Variants in KCNN2 observed in about 807,000 individuals in gnomAD.
KCNN2 encodes potassium calcium-activated channel subfamily N member 2.
Under a neutral mutation model 55.5 loss-of-function variants are expected in KCNN2, and 24 were observed. The ratio of observed to expected loss-of-function variants is 0.43; its 90% CI spans 0.31 to 0.61. The LOEUF (loss-of-function observed/expected upper bound fraction) is 0.61, where lower values mean the gene tolerates loss of function less well. KCNN2 is among the 20% of genes least tolerant of loss of function. The probability of loss-of-function intolerance (pLI) is 0.08; values close to 1 mark genes in which losing one functional copy is unlikely to be tolerated. For missense variants in KCNN2, 754 were observed against 853.6 expected (o/e 0.88, Z 1.45); for synonymous variants, 431 against 336.1 (o/e 1.28, Z -3.09).
intron 3 of KCNN2, among the ~76,000 whole-genome samples, chr5:114,453,000 T>C (rs1043293856): frequency 1.3e-5 from 2 of 152,218 alleles, no homozygotes; most frequent in African/African-American, 4.8e-5. Flanking sequence ...ACTCCTTGCA[T>C]CTCTCTGAGC....
Position 114,189,605 on chromosome 5 carries a change from C to T in KCNN2, c.-270-31875C>T, listed in dbSNP as rs577349042. On this transcript the variant is annotated intron_variant, in intron 1 of 10. Coordinates refer to the KCNN2 transcript ENST00000512097. ...AAAGTAACCATCAGAAAAACTAACTCGTATGTTTTACTTACTATATATCAG... is the reference window on the plus strand; with the variant it reads ...AAAGTAACCATCAGAAAAACTAACTTGTATGTTTTACTTACTATATATCAG... Among the ~76,000 whole-genome samples, 6 of 152,212 alleles carry T rather than the reference C, an allele frequency of 3.9e-5. No homozygotes were observed. In the South Asian group the frequency reaches 6.2e-4, roughly 16 times the overall value.
intron 2 of KCNN2, among the ~76,000 whole-genome samples, chr5:114,395,113 A>G (rs1452153583): frequency 6.6e-6 from 1 of 152,224 alleles, no homozygotes; most frequent in African/African-American, 2.4e-5. Context: ...GTTACCTTGC[A>G]GAGGAAAAGC....
intron 2 of KCNN2, among the ~76,000 whole-genome samples, chr5:114,280,524 G>A (rs1006520564): frequency 2.0e-4 from 30 of 152,126 alleles, no homozygotes; most frequent in Non-Finnish European, 3.4e-4. Context: ...CATATGGCTA[G>A]CCAGTTTTCC....
At chr5:114,197,536 CA>C (rs946586489) in intron 1 of KCNN2, among the ~76,000 whole-genome samples, 6 of 152,170 alleles carry the variant, frequency 3.9e-5, no homozygotes, top group African/African-American at 1.4e-4. Context: ...TTAGTGGGGA[CA>C]GGGGTAATCA....
At chr5:114,265,982 GGGCA>G (rs890941252) in intron 2 of KCNN2, among the ~76,000 whole-genome samples, 1 of 152,014 alleles carries the variant, frequency 6.6e-6, no homozygotes, top group African/African-American at 2.4e-5. Flanking sequence ...TAGAGATAGA[GGGCA>G]GTTTACATAC....
At chr5:114,235,541 A>G (rs1018608034) in intron 2 of KCNN2, among the ~76,000 whole-genome samples, 6 of 152,242 alleles carry the variant, frequency 3.9e-5, no homozygotes, top group Non-Finnish European at 7.3e-5. Context: ...CTATTTGTAT[A>G]GTTTAGAACT....
intron 1 of KCNN2, among the ~76,000 whole-genome samples, chr5:114,171,604 C>T (rs183211221): frequency 9.2e-4 from 140 of 151,726 alleles, no homozygotes; most frequent in Middle Eastern, 3.4e-3. Flanking sequence ...ACTAGTCCCT[C>T]GTTAAGGACT....
At chr5:114,087,959 A>C (rs1375577533) in intron 1 of KCNN2, among the ~76,000 whole-genome samples, 1 of 151,988 alleles carries the variant, frequency 6.6e-6, no homozygotes, top group Non-Finnish European at 1.5e-5. Flanking sequence ...TATAAATCTC[A>C]TGTTTCTTAA....
intron 1 of KCNN2, among the ~76,000 whole-genome samples, chr5:114,089,520 T>A (rs1751092958): frequency 1.3e-5 from 2 of 152,186 alleles, no homozygotes; most frequent in African/African-American, 2.4e-5. Context: ...ATCCTACTCA[T>A]GTGTAGTTGG....
intron 2 of KCNN2, among the ~76,000 whole-genome samples, chr5:114,392,077 C>T (rs998222339): frequency 6.6e-6 from 1 of 152,126 alleles, no homozygotes; most frequent in Non-Finnish European, 1.5e-5. Flanking sequence ...CATATGGCTA[C>T]ACATAACTGC....
chr5:114,423,575 T>C (rs1759532142), intron 3 of KCNN2, among the ~76,000 whole-genome samples: 1 of 152,258 alleles, frequency 6.6e-6, no homozygotes, highest in East Asian at 1.9e-4. Context: ...AAAAGAGATA[T>C]AAAATTTCTT....
intron 1 of KCNN2, among the ~76,000 whole-genome samples, chr5:114,078,869 A>G (rs977349669): frequency 3.9e-5 from 6 of 152,180 alleles, no homozygotes; most frequent in Non-Finnish European, 2.9e-5. Flanking sequence ...CTGCCTGCAG[A>G]GCACCTGCTG....
chr5:114,308,724 G>A (rs938814106), intron 2 of KCNN2, among the ~76,000 whole-genome samples: 26 of 152,136 alleles, frequency 1.7e-4, no homozygotes, highest in African/African-American at 6.0e-4. Flanking sequence ...TAATAGTTGT[G>A]CAACTCACCA....
rs558061889 is a variant in KCNN2, at chr5:114,465,342, G to C, written c.1779+2152G>C. ...AAAAGAGAGGTTATGGCCTGGCACT[G>C]TGTCCCACGCCTGTAATCCCAACAC... On this transcript the variant is annotated intron_variant, in intron 4 of 7. Coordinates refer to ENST00000673685, the MANE Select transcript of KCNN2 (RefSeq NM_021614.4). Among the ~76,000 whole-genome samples the C allele has an allele frequency of 2.0e-5, 3 of 152,278 alleles. No individual in the cohort carries two copies. In the East Asian group the frequency reaches 5.8e-4, roughly 29 times the overall value.
intron 1 of KCNN2, among the ~76,000 whole-genome samples, chr5:114,081,821 A>G (rs190765987): frequency 1.2e-3 from 186 of 152,306 alleles, no homozygotes; most frequent in African/African-American, 4.4e-3. Flanking sequence ...TCAATGGAGT[A>G]AAAGGACAAC....
intron 1 of KCNN2, among the ~76,000 whole-genome samples, chr5:114,139,663 A>G (rs1389053462): frequency 7.9e-5 from 12 of 151,322 alleles, no homozygotes; most frequent in African/African-American, 1.5e-4. Flanking sequence ...TTCATGAACA[A>G]CTTCCCCTAT....
chr5:114,146,657 T>C (rs1215762715), intron 1 of KCNN2, among the ~76,000 whole-genome samples: 1 of 152,174 alleles, frequency 6.6e-6, no homozygotes, highest in African/African-American at 2.4e-5. Context: ...AGGGATTAAC[T>C]CCAGTGTTGA....
chr5:114,422,242 A>G (rs1281393892), intron 3 of KCNN2, among the ~76,000 whole-genome samples: 1 of 152,158 alleles, frequency 6.6e-6, no homozygotes, highest in Admixed American at 6.6e-5. Flanking sequence ...TCATGTTGAA[A>G]CCTAATTTCC....
intron 7 of KCNN2, among the ~76,000 whole-genome samples, chr5:114,494,779 A>G (rs568547397): frequency 6.6e-6 from 1 of 152,286 alleles, no homozygotes; most frequent in South Asian, 2.1e-4. Flanking sequence ...CATATTCTCA[A>G]GACTATGTAG....
Sources: gnomAD v4.1 joint callset for allele counts (sites outside exome capture counted in the v4.1 genomes callset) on GRCh38, gnomAD v4.1.1 for gene constraint, MANE v1.5 for transcripts, NCBI Gene and HGNC (gene_info 2026-07-23, HGNC 2026-07-21) for gene names.